The following NDUFS3 variants were observed in gnomAD, a reference collection of about 807,000 sequenced individuals.
NDUFS3 encodes NADH dehydrogenase [ubiquinone] iron-sulfur protein 3, mitochondrial.
NDUFS3 carries 19 observed loss-of-function variants against 30.8 expected under a neutral mutation model. The observed-to-expected ratio is 0.62, with a 90% CI of 0.43 to 0.91. NDUFS3 has a LOEUF of 0.91. Ranked by LOEUF, NDUFS3 falls within the 40% of genes least tolerant of loss-of-function variation. The probability of loss-of-function intolerance (pLI) is 0.00; values close to 1 mark genes in which losing one functional copy is unlikely to be tolerated. For synonymous variants in NDUFS3, 153 were observed against 135.8 expected (o/e 1.13, Z -0.88); for missense variants, 331 against 342.0 (o/e 0.97, Z 0.25).
At chr11:47,583,526 C>T (rs1392170432) in intron 6 of NDUFS3, among the ~76,000 whole-genome samples, 1 of 152,102 alleles carries the variant, frequency 6.6e-6, no homozygotes, top group Non-Finnish European at 1.5e-5. Context: ...TGAGGTGGGA[C>T]CAGTAACGTG....
Position 47,582,232 on chromosome 11 carries a change from T to C in NDUFS3, c.507+19T>C. On this transcript the variant is annotated intron_variant, in intron 5 of 6. Coordinates refer to ENST00000263774, the MANE Select transcript of NDUFS3 (RefSeq NM_004551.3). Reference sequence around the variant, plus strand: ...AAGGGAGGTGAGTTACCGGATATGGTGGACCTGCCTCTGGGCCACAGTTGC... The same window carrying C: ...AAGGGAGGTGAGTTACCGGATATGGCGGACCTGCCTCTGGGCCACAGTTGC... The C allele has an allele frequency of 6.2e-7, 1 of 1,614,228 alleles. No individual in the cohort carries two copies.
At position 47,580,852 on chromosome 11, in the gene NDUFS3, G is replaced by A. The variant is rs1385703373; in HGVS notation, c.249G>A (p.Glu83=). 5.0e-6 allele frequency: 8 copies of A among 1,614,022 alleles called. No homozygotes were observed. The highest frequency in any genetic ancestry group is 5.1e-6 in the Non-Finnish European group (6 of 1,180,042). Residue 83 remains glutamate (E), a synonymous_variant, in exon 4 of 7, where the codon GAG becomes GAA. Transcript: ENST00000263774. The part of the protein sequence containing the change: ...VQQVQVSCFN[E]LEVCIHPDGV... ...GTGTGCAGGTGTCCTGCTTCAATGAGTTAGAGGTCTGTATCCATCCTGATG... is the reference window on the plus strand; with the variant it reads ...GTGTGCAGGTGTCCTGCTTCAATGAATTAGAGGTCTGTATCCATCCTGATG...
At chr11:47,580,419 A>AG in intron 2 of NDUFS3, 106 bp from the exon 3 acceptor site, 1 of 1,040,914 alleles carries the variant, frequency 9.6e-7, no homozygotes, top group Non-Finnish European at 1.5e-6. Flanking sequence ...AAGGTGCTTC[A>AG]GGGAGCCTTT....
At chr11:47,581,093 G>C (rs2153795344) in intron 4 of NDUFS3, 109 bp downstream of exon 4, 1 of 1,368,888 alleles carries the variant, frequency 7.3e-7, no homozygotes, top group Non-Finnish European at 1.0e-6. Flanking sequence ...AAGTAGATCT[G>C]AAGTTGGATC....
chr11:47,580,869 A>G lies in NDUFS3; in HGVS notation c.266A>G (p.His89Arg), dbSNP rs771188965. ...TTCAATGAGTTAGAGGTCTGTATCC[A>G]TCCTGATGGCGTCATCCCAGTGCTG... ...SCFNELEVCI[H>R]PDGVIPVLTF... The change falls in exon 4 of 7, where the codon CAT becomes CGT. Residue 89 changes from histidine (H) to arginine (R), a missense_variant. His to Arg is a conservative substitution (Grantham distance 29). Coordinates refer to ENST00000263774, the MANE Select transcript of NDUFS3 (RefSeq NM_004551.3). 6.2e-7 allele frequency: 1 copy of G among 1,614,190 alleles called. No individual in the cohort carries two copies. The highest frequency in any genetic ancestry group is 8.5e-7 in the Non-Finnish European group (1 of 1,180,038).
At chr11:47,580,050 T>C (rs1042238705) in intron 2 of NDUFS3, among the ~76,000 whole-genome samples, 9 of 21,684 alleles carry the variant, frequency 4.2e-4, no homozygotes, top group East Asian at 1.5e-3. Context: ...AGTTTTCTCA[T>C]TGACACACAC....
At chr11:47,582,297 C>G in intron 5 of NDUFS3, 52 bp from the exon 6 acceptor site, 1 of 1,614,178 alleles carries the variant, frequency 6.2e-7, no homozygotes, top group Non-Finnish European at 8.5e-7. Flanking sequence ...TAGCCCCTTC[C>G]CCCTGTTGTT....
In NDUFS3 at chr11:47,580,907, G is replaced by C. The variant is rs556532140; in HGVS notation, c.304G>C (p.Asp102His). ...GVIPVLTFLR[D>H]HTNAQFKSLV... Reference sequence around the variant, plus strand: ...CATCCCAGTGCTGACTTTCCTCAGGGATCACACCAATGCACAGTTCAAATC... The same window carrying C: ...CATCCCAGTGCTGACTTTCCTCAGGCATCACACCAATGCACAGTTCAAATC... Residue 102 changes from aspartate (D) to histidine (H), a missense_variant, in exon 4 of 7, where the codon GAT (aspartate) becomes CAT (histidine). Coordinates refer to ENST00000263774, the MANE Select transcript of NDUFS3 (RefSeq NM_004551.3). 3 of 1,614,172 alleles carry C rather than the reference G, an allele frequency of 1.9e-6. No homozygotes were observed. Among genetic ancestry groups the C allele is most frequent in the Admixed American group, 1.7e-5 (1 of 60,014 alleles).
At chr11:47,582,325 T>C (rs1374742018) in intron 5 of NDUFS3, 24 bp from the exon 6 acceptor site, 8 of 1,614,226 alleles carry the variant, frequency 5.0e-6, no homozygotes, top group South Asian at 2.2e-5. Flanking sequence ...ATGGATTGGC[T>C]GTTTGAGGTG....
chr11:47,584,530 G>A lies in NDUFS3; in HGVS notation c.*49G>A. 6.2e-7 allele frequency: 1 copy of A among 1,602,074 alleles called. No homozygotes were observed. Among genetic ancestry groups the A allele is most frequent in the Non-Finnish European group, 8.5e-7 (1 of 1,170,542 alleles). ...TAGACAGCGCCTTATCTATGATTGA[G>A]TGTCCGTGTAAATAAATTCCTACTT... On this transcript the variant is annotated 3_prime_UTR_variant, in exon 7 of 7. Transcript: ENST00000263774.
chr11:47,579,363 T>G, intron 2 of NDUFS3, 29 bp downstream of exon 2: 1 of 1,612,316 alleles, frequency 6.2e-7, no homozygotes. Context: ...CGCTCTTCTC[T>G]GAACTATCGG....
In NDUFS3 at chr11:47,579,340, T is replaced by A; in HGVS notation, c.133+6T>A. 1 of 1,613,496 alleles carries A rather than the reference T, an allele frequency of 6.2e-7. No individual in the cohort carries two copies. Among genetic ancestry groups the A allele is most frequent in the African/African-American group, 1.3e-5 (1 of 75,012 alleles). ...CGCCGGGGCCGACACGCGCCGTGAG[T>A]ATGTGCGGGCAGCGCTCTTCTCTGA... On this transcript the variant is annotated splice_donor_region_variant and intron_variant, in intron 2 of 6. Transcript: ENST00000263774.
At chr11:47,584,267 A>G (rs372094020) in intron 6 of NDUFS3, 47 bp from the exon 7 acceptor site, 71 of 1,612,070 alleles carry the variant, frequency 4.4e-5, no homozygotes, top group Non-Finnish European at 5.3e-5. Context: ...CTGTGTAGCT[A>G]TAATAAGGAC....
Position 47,584,528 on chromosome 11 carries a change from G to C in NDUFS3, c.*47G>C. On this transcript the variant is annotated 3_prime_UTR_variant, in exon 7 of 7. Coordinates refer to ENST00000263774, the MANE Select transcript of NDUFS3 (RefSeq NM_004551.3). ...CCTAGACAGCGCCTTATCTATGATT[G>C]AGTGTCCGTGTAAATAAATTCCTAC... 1.9e-6 allele frequency: 3 copies of C among 1,602,138 alleles called. No individual in the cohort carries two copies. In the East Asian group the frequency reaches 6.7e-5, roughly 36 times the overall value.
Position 47,579,353 on chromosome 11 carries a change from C to A in NDUFS3, c.133+19C>A. 4 of 1,613,054 alleles carry A rather than the reference C, an allele frequency of 2.5e-6. No homozygotes were observed. The highest frequency in any genetic ancestry group is 3.4e-6 in the Non-Finnish European group (4 of 1,180,020). On this transcript the variant is annotated intron_variant, in intron 2 of 6. Transcript: ENST00000263774. ...ACGCGCCGTGAGTATGTGCGGGCAG[C>A]GCTCTTCTCTGAACTATCGGCGGGG...
chr11:47,582,265 G>A, intron 5 of NDUFS3, 52 bp downstream of exon 5: 1 of 1,614,240 alleles, frequency 6.2e-7, no homozygotes, highest in Non-Finnish European at 8.5e-7. Context: ...TGCAGAACTG[G>A]TTCAGACTAC....
rs200043198 is a variant in NDUFS3 at position 47,584,280 on chromosome 11, C to T, written c.628-34C>T. 1.0e-4 allele frequency: 168 copies of T among 1,613,552 alleles called. No individual in the cohort carries two copies. In the East Asian group the frequency reaches 3.7e-3, roughly 36 times the overall value. On this transcript the variant is annotated intron_variant, in intron 6 of 6. Coordinates refer to ENST00000263774, the MANE Select transcript of NDUFS3 (RefSeq NM_004551.3). Reference sequence around the variant, plus strand: ...TCCTGTGTAGCTATAATAAGGACTTCCTTAGTGCTCAAGCCTGCCTTTTGC... The same window carrying T: ...TCCTGTGTAGCTATAATAAGGACTTTCTTAGTGCTCAAGCCTGCCTTTTGC...
chr11:47,580,795 T>G, intron 3 of NDUFS3, 40 bp from the exon 4 acceptor site: 1 of 1,613,992 alleles, frequency 6.2e-7, no homozygotes, highest in Non-Finnish European at 8.5e-7. Flanking sequence ...GTTCCCTCAG[T>G]AGCTCTTTGT....
At chr11:47,582,298 C>T (rs374665190) in intron 5 of NDUFS3, 51 bp from the exon 6 acceptor site, 1 of 1,614,048 alleles carries the variant, frequency 6.2e-7, no homozygotes, top group Non-Finnish European at 8.5e-7. Context: ...AGCCCCTTCC[C>T]CCTGTTGTTA....
Sources: gnomAD v4.1 joint callset for allele counts (sites outside exome capture counted in the v4.1 genomes callset) on GRCh38, gnomAD v4.1.1 for gene constraint, MANE v1.5 for transcripts, NCBI Gene and HGNC (gene_info 2026-07-23, HGNC 2026-07-21) for gene names.